Variants in EXOC6 observed in about 807,000 individuals in gnomAD.
The protein encoded by EXOC6 is exocyst complex component 6.
Under a neutral mutation model 112.5 loss-of-function variants are expected in EXOC6, and 60 were observed. The ratio of observed to expected loss-of-function variants is 0.53; its 90% CI spans 0.43 to 0.66. The LOEUF is 0.66. Ranked by LOEUF, EXOC6 falls within the 30% of genes least tolerant of loss-of-function variation. The pLI is 0.00. For missense variants in EXOC6, 855 were observed against 957.1 expected, an observed-to-expected ratio of 0.89 and a Z score of 1.41; for synonymous variants, 295 against 308.0, an observed-to-expected ratio of 0.96 and a Z score of 0.44.
At chr10:92,862,162 T>TA (rs1315666883) in intron 1 of EXOC6, among the ~76,000 whole-genome samples, 1 of 152,348 alleles carries the variant, frequency 6.6e-6, no homozygotes, top group South Asian at 2.1e-4. Flanking sequence ...TTCTCTCTTC[T>TA]AGCCCCTGGC....
Position 92,906,742 on chromosome 10 carries a change from A to G in EXOC6, c.459-2685A>G, listed in dbSNP as rs183825203. Among the ~76,000 whole-genome samples, 9 of 152,310 alleles carry G rather than the reference A, an allele frequency of 5.9e-5. No homozygotes were observed. The East Asian group carries it at 9.6e-4, about 16-fold the overall frequency. On this transcript the variant is annotated intron_variant, in intron 5 of 21. Transcript: ENST00000260762. ...TCCATTATATATTGTTGAATAGAGT[A>G]TGAGCTTACAGAAGTGGAAGTGTAG...
intron 20 of EXOC6, among the ~76,000 whole-genome samples, chr10:93,043,335 T>C (rs965546764): frequency 6.6e-6 from 1 of 152,248 alleles, no homozygotes; most frequent in African/African-American, 2.4e-5. Flanking sequence ...AGATTCTTAC[T>C]ATGAATTAAG....
In EXOC6 at chr10:92,899,653, G is replaced by T. The variant is rs1850048482; in HGVS notation, c.458+9G>T. ...CAGATGAGTGCCAAAAGGTGAGTTG[G>T]TTTTTTTCCTATTGTTTTAAATAAG... On this transcript the variant is annotated intron_variant, in intron 5 of 21. Coordinates refer to ENST00000260762, the MANE Select transcript of EXOC6 (RefSeq NM_019053.6). 1.2e-6 allele frequency: 2 copies of T among 1,601,628 alleles called. No homozygotes were observed. Among genetic ancestry groups the T allele is most frequent in the South Asian group, 1.1e-5 (1 of 89,534 alleles).
At chr10:92,830,806 A>G (rs140079696), upstream of EXOC6, among the ~76,000 whole-genome samples, 117 of 152,304 alleles carry the variant, frequency 7.7e-4, 1 homozygote, top group East Asian at 0.02. Context: ...GGAAGTAGTC[A>G]AAGAGTTTGA....
upstream of EXOC6, among the ~76,000 whole-genome samples, chr10:92,831,616 G>C (rs1357245462): frequency 2.0e-5 from 3 of 151,850 alleles, no homozygotes; most frequent in African/African-American, 7.3e-5. Flanking sequence ...TGTATTTTTA[G>C]TAGAGATGGG....
chr10:92,845,269 G>A (rs1847006143), upstream of EXOC6, among the ~76,000 whole-genome samples: 2 of 152,126 alleles, frequency 1.3e-5, no homozygotes. Context: ...TTCACTCCTT[G>A]GGGCTGGGCG....
At chr10:92,978,417 A>G (rs1164057413) in intron 18 of EXOC6, among the ~76,000 whole-genome samples, 3 of 152,252 alleles carry the variant, frequency 2.0e-5, no homozygotes, top group Admixed American at 6.5e-5. Flanking sequence ...TCAAAAAAAA[A>G]CAAAAGAGAA....
chr10:92,985,981 A>ATG (rs1233094025), intron 18 of EXOC6, among the ~76,000 whole-genome samples: 1 of 152,038 alleles, frequency 6.6e-6, no homozygotes, highest in Non-Finnish European at 1.5e-5. Flanking sequence ...TATATTGTAT[A>ATG]TATATATATA....
intron 18 of EXOC6, among the ~76,000 whole-genome samples, chr10:92,975,811 C>G (rs1388488599): frequency 6.5e-5 from 9 of 138,160 alleles, no homozygotes; most frequent in Admixed American, 2.8e-4. Context: ...GCCCCCGCGC[C>G]CGGCCAGCCG....
chr10:92,942,493 C>T (rs888994644), intron 13 of EXOC6, among the ~76,000 whole-genome samples: 2 of 152,092 alleles, frequency 1.3e-5, no homozygotes, highest in African/African-American at 4.8e-5. Context: ...TATTTACATT[C>T]TTCAGGAGTG....
chr10:93,022,129 CATACTT>C (rs1844820990), intron 20 of EXOC6, among the ~76,000 whole-genome samples: 1 of 152,194 alleles, frequency 6.6e-6, no homozygotes, highest in Admixed American at 6.5e-5. Flanking sequence ...GTTACTAAGA[CATACTT>C]ATAAATATTA....
At chr10:92,844,067 C>G (rs910928456), upstream of EXOC6, among the ~76,000 whole-genome samples, 3 of 147,804 alleles carry the variant, frequency 2.0e-5, no homozygotes, top group East Asian at 3.9e-4. Flanking sequence ...AGGGGAATCA[C>G]TTGAACTTGG....
At chr10:92,955,240 A>G (rs1589905870) in intron 16 of EXOC6, among the ~76,000 whole-genome samples, 1 of 152,156 alleles carries the variant, frequency 6.6e-6, no homozygotes, top group South Asian at 2.1e-4. Flanking sequence ...AGATGTTAGA[A>G]TATCTATTTA....
At chr10:93,057,117 G>T in intron 21 of EXOC6, 81 bp downstream of exon 21, 2 of 748,242 alleles carry the variant, frequency 2.7e-6, no homozygotes, top group Non-Finnish European at 4.2e-6. Context: ...AGAGATTTCT[G>T]TCAAAAAAGA....
chr10:92,938,784 C>G (rs114646203), intron 12 of EXOC6, among the ~76,000 whole-genome samples: 2 of 151,956 alleles, frequency 1.3e-5, no homozygotes, highest in African/African-American at 2.4e-5. Context: ...TACTTGTAAA[C>G]GAATAAAATG....
intron 1 of EXOC6, among the ~76,000 whole-genome samples, chr10:92,877,346 A>AT (rs910573373): frequency 7.3e-5 from 11 of 151,370 alleles, no homozygotes; most frequent in African/African-American, 2.4e-4. Context: ...TAAGATTTGG[A>AT]TTGTCTACCT....
intron 1 of EXOC6, among the ~76,000 whole-genome samples, chr10:92,858,022 T>TTCC (rs1554882161): frequency 5.9e-5 from 6 of 101,312 alleles, no homozygotes; most frequent in Admixed American, 1.1e-4. Flanking sequence ...GTTGACGGGT[T>TTCC]CCCCCCCTCC....
At chr10:92,929,106 T>C (rs1851880437) in intron 9 of EXOC6, among the ~76,000 whole-genome samples, 1 of 152,136 alleles carries the variant, frequency 6.6e-6, no homozygotes, top group Non-Finnish European at 1.5e-5. Flanking sequence ...CCAAAGTAGG[T>C]GTCTAATAAG....
intron 19 of EXOC6, among the ~76,000 whole-genome samples, chr10:93,009,945 G>T (rs1291666108): frequency 6.6e-6 from 1 of 152,212 alleles, no homozygotes; most frequent in Non-Finnish European, 1.5e-5. Context: ...GGAAGAAGTG[G>T]ATGGAGAGGT....
Sources: allele counts gnomAD v4.1 joint callset (sites outside exome capture counted in the v4.1 genomes callset), GRCh38; gene constraint gnomAD v4.1.1; transcripts MANE v1.5; gene names NCBI Gene and HGNC (gene_info 2026-07-23, HGNC 2026-07-21).